The following ELOVL6 variants were observed in gnomAD, a reference collection of about 807,000 sequenced individuals.
The protein encoded by ELOVL6 is very long chain fatty acid elongase 6.
Under a neutral mutation model 31.7 loss-of-function variants are expected in ELOVL6, and 8 were observed. The ratio of observed to expected loss-of-function variants is 0.25; its 90% CI spans 0.15 to 0.45. The LOEUF is 0.45. ELOVL6 is among the 20% of genes least tolerant of loss of function. ELOVL6 has a pLI of 1.00. For missense variants in ELOVL6, 126 were observed against 326.4 expected (o/e 0.39, Z 4.73); for synonymous variants, 101 against 117.7 (o/e 0.86, Z 0.92).
intron 1 of ELOVL6, among the ~76,000 whole-genome samples, chr4:110,133,731 T>C (rs1458114447): frequency 1.3e-5 from 2 of 152,172 alleles, no homozygotes; most frequent in African/African-American, 4.8e-5. Context: ...AGAAGAAAAT[T>C]AAGATATGAA....
intron 1 of ELOVL6, among the ~76,000 whole-genome samples, chr4:110,180,204 C>T (rs528691501): frequency 6.6e-6 from 1 of 152,224 alleles, no homozygotes; most frequent in African/African-American, 2.4e-5. Context: ...CTAAAAATCT[C>T]GGGTTTGCCT....
chr4:110,179,735 C>T (rs62326612), intron 1 of ELOVL6, among the ~76,000 whole-genome samples: 17 of 152,012 alleles, frequency 1.1e-4, no homozygotes, highest in Admixed American at 4.6e-4. Flanking sequence ...ACAAGACATA[C>T]GGAGCTGTTA....
intron 1 of ELOVL6, among the ~76,000 whole-genome samples, chr4:110,174,164 C>CT (rs1332367998): frequency 0.028 from 3,707 of 133,588 alleles, 141 homozygotes; most frequent in African/African-American, 0.086. Context: ...GAAAGACAGT[C>CT]TTTTTTTTTT....
intron 3 of ELOVL6, among the ~76,000 whole-genome samples, chr4:110,057,853 G>GAAAAAAAAACAAAAAAAAAAAA (rs755067574): frequency 1.1e-5 from 1 of 90,924 alleles, no homozygotes. Flanking sequence ...TCTGTCTCAG[G>GAAAAAAAAACAAAAAAAAAAAA]GAAAAAAAAA....
intron 1 of ELOVL6, among the ~76,000 whole-genome samples, chr4:110,169,409 T>C (rs571303969): frequency 5.4e-5 from 8 of 149,284 alleles, no homozygotes; most frequent in African/African-American, 1.7e-4. Context: ...CAGCTAATTT[T>C]TGTATTTTTA....
intron 1 of ELOVL6, among the ~76,000 whole-genome samples, chr4:110,161,608 T>C (rs143875952): frequency 7.7e-4 from 118 of 152,292 alleles, no homozygotes; most frequent in African/African-American, 2.7e-3. Context: ...GTTGGCAATT[T>C]CACGGTTTAA....
chr4:110,097,280 G>A (rs1003382948), intron 2 of ELOVL6, among the ~76,000 whole-genome samples: 2 of 140,844 alleles, frequency 1.4e-5, no homozygotes, highest in East Asian at 2.3e-4. Flanking sequence ...ACTTCAGCCT[G>A]GGTGACAGAG....
chr4:110,054,043 G>A (rs777091736), intron 3 of ELOVL6, among the ~76,000 whole-genome samples: 12 of 152,166 alleles, frequency 7.9e-5, no homozygotes, highest in Non-Finnish European at 1.8e-4. Context: ...GGAGGTTGCA[G>A]TGAGCCAAGA....
intron 1 of ELOVL6, among the ~76,000 whole-genome samples, chr4:110,185,592 C>T (rs1056184534): frequency 1.3e-5 from 2 of 152,022 alleles, no homozygotes; most frequent in African/African-American, 2.4e-5. Flanking sequence ...CAGTGGACTG[C>T]AAATAAAATT....
chr4:110,060,140 TC>T (rs1487595382), intron 2 of ELOVL6: 1 of 158,384 alleles, frequency 6.3e-6, no homozygotes, highest in African/African-American at 2.4e-5. Context: ...CTGTGCCCAA[TC>T]ATTCTCCAAG....
intron 2 of ELOVL6, among the ~76,000 whole-genome samples, chr4:110,078,544 G>C (rs1305920429): frequency 1.3e-5 from 2 of 152,080 alleles, no homozygotes; most frequent in Non-Finnish European, 2.9e-5. Context: ...AATGCTGAGA[G>C]ATTTTGTCAC....
At chr4:110,165,171 T>TTGC (rs1758740015) in intron 1 of ELOVL6, among the ~76,000 whole-genome samples, 1 of 152,174 alleles carries the variant, frequency 6.6e-6, no homozygotes. Context: ...AACAGACCAT[T>TTGC]TGCTAGATAT....
At chr4:110,173,172 C>T (rs1759003869) in intron 1 of ELOVL6, among the ~76,000 whole-genome samples, 1 of 152,110 alleles carries the variant, frequency 6.6e-6, no homozygotes, top group African/African-American at 2.4e-5. Flanking sequence ...CCAGACAGAA[C>T]AAATTATTGG....
At chr4:110,186,159 C>G (rs1336253852) in intron 1 of ELOVL6, among the ~76,000 whole-genome samples, 1 of 152,050 alleles carries the variant, frequency 6.6e-6, no homozygotes, top group Non-Finnish European at 1.5e-5. Flanking sequence ...CACTGTACTA[C>G]AGCCTGGGCA....
At chr4:110,088,633 TA>T (rs1424731379) in intron 2 of ELOVL6, among the ~76,000 whole-genome samples, 2 of 152,194 alleles carry the variant, frequency 1.3e-5, no homozygotes, top group Non-Finnish European at 2.9e-5. Context: ...CCTTTTCTCT[TA>T]AAGCACTTTC....
At chr4:110,096,324 G>A (rs1472176535) in intron 2 of ELOVL6, among the ~76,000 whole-genome samples, 5 of 152,262 alleles carry the variant, frequency 3.3e-5, no homozygotes, top group Middle Eastern at 3.4e-3. Flanking sequence ...AAGATAGAAA[G>A]TTGTCAATTT....
At chr4:110,185,114 A>C (rs1343197559) in intron 1 of ELOVL6, among the ~76,000 whole-genome samples, 1 of 152,248 alleles carries the variant, frequency 6.6e-6, no homozygotes, top group African/African-American at 2.4e-5. Context: ...TTGTCAGTGG[A>C]CAAAGGATTT....
intron 1 of ELOVL6, among the ~76,000 whole-genome samples, chr4:110,167,366 CCTTGTTATTATACATG>C (rs1305821760): frequency 3.3e-5 from 5 of 151,994 alleles, no homozygotes; most frequent in African/African-American, 1.2e-4. Context: ...TACAAATTGG[CCTTGTTATTATACATG>C]CTGTTTCATA....
chr4:110,073,717 C>T lies in ELOVL6; in HGVS notation c.222-13963G>A, dbSNP rs542168922. On this transcript the variant is annotated intron_variant, in intron 2 of 3. Transcript: ENST00000302274. ...TCCACCGCTGCCCCTGACCTCACAG[C>T]CAGTCCAGCAGAGAGGATGGAGCCC... Among the ~76,000 whole-genome samples, 107 of 152,178 alleles carry T rather than the reference C, an allele frequency of 7.0e-4. 1 individual carries two copies. Among genetic ancestry groups the T allele is most frequent in the Non-Finnish European group, 1.2e-3 (84 of 68,036 alleles).
Sources: gnomAD v4.1 joint callset for allele counts (sites outside exome capture counted in the v4.1 genomes callset) on GRCh38, gnomAD v4.1.1 for gene constraint, MANE v1.5 for transcripts, NCBI Gene and HGNC (gene_info 2026-07-23, HGNC 2026-07-21) for gene names.